Variants in SSBP3 observed in about 807,000 individuals in gnomAD.
SSBP3 encodes single-stranded DNA-binding protein 3.
Under a neutral mutation model 69.6 loss-of-function variants are expected in SSBP3, and 5 were observed. The observed-to-expected ratio is 0.07, with a 90% CI of 0.04 to 0.15. SSBP3 has a LOEUF of 0.15. Ranked by LOEUF, SSBP3 falls within the 10% of genes least tolerant of loss-of-function variation. The pLI is 1.00. For synonymous variants in SSBP3, 196 were observed against 193.4 expected, an observed-to-expected ratio of 1.01 and a Z score of -0.11; for missense variants, 312 against 534.0, an observed-to-expected ratio of 0.58 and a Z score of 4.10.
At chr1:54,373,800 C>A (rs1647174416) in intron 4 of SSBP3, among the ~76,000 whole-genome samples, 1 of 149,006 alleles carries the variant, frequency 6.7e-6, no homozygotes, top group African/African-American at 2.4e-5. Context: ...GAATGCCTCT[C>A]GGCACACCAG....
chr1:54,336,359 C>T (rs918017397), intron 4 of SSBP3, among the ~76,000 whole-genome samples: 1 of 152,120 alleles, frequency 6.6e-6, no homozygotes, highest in South Asian at 2.1e-4. Context: ...CCCCAGCCCC[C>T]GACTGCCTCT....
At chr1:54,367,875 T>C (rs1647054092) in intron 4 of SSBP3, among the ~76,000 whole-genome samples, 1 of 152,220 alleles carries the variant, frequency 6.6e-6, no homozygotes, top group Non-Finnish European at 1.5e-5. Context: ...CACATTACTA[T>C]TTACATTATG....
At chr1:54,298,930 AAC>A (rs10525954) in intron 4 of SSBP3, among the ~76,000 whole-genome samples, 162 of 137,206 alleles carry the variant, frequency 1.2e-3, no homozygotes, top group South Asian at 2.0e-3. Flanking sequence ...ACAAAAACAA[AAC>A]ACACACACAC....
chr1:54,290,064 G>A (rs1645576464), intron 4 of SSBP3, among the ~76,000 whole-genome samples: 1 of 152,206 alleles, frequency 6.6e-6, no homozygotes, highest in Non-Finnish European at 1.5e-5. Flanking sequence ...GAAATGGGCA[G>A]AACCAGAAGT....
At chr1:54,355,654 C>T (rs7552243) in intron 4 of SSBP3, among the ~76,000 whole-genome samples, 18,403 of 152,172 alleles carry the variant, frequency 0.12, 1,150 homozygotes, top group East Asian at 0.15. Flanking sequence ...CCAGCCTCTC[C>T]CCCAAATTCA....
intron 7 of SSBP3, 28 bp from the exon 8 acceptor site, chr1:54,251,888 G>A: frequency 6.2e-7 from 1 of 1,604,728 alleles, no homozygotes; most frequent in East Asian, 2.2e-5. Context: ...CACAAGCTGA[G>A]GAGCTGCTCC....
chr1:54,350,515 AAGAG>A (rs1646764974), intron 4 of SSBP3, among the ~76,000 whole-genome samples: 1 of 152,248 alleles, frequency 6.6e-6, no homozygotes, highest in African/African-American at 2.4e-5. Context: ...GGCCACAGCC[AAGAG>A]AGATTTATAC....
intron 14 of SSBP3, chr1:54,236,546 G>GTTGGC (rs1285451649): frequency 6.6e-6 from 1 of 152,164 alleles, no homozygotes; most frequent in African/African-American, 2.4e-5. Flanking sequence ...AAGTGCTCGG[G>GTTGGC]TTACAGGCGT....
chr1:54,255,031 C>T (rs1231382100), intron 7 of SSBP3, among the ~76,000 whole-genome samples: 1 of 151,868 alleles, frequency 6.6e-6, no homozygotes, highest in African/African-American at 2.4e-5. Flanking sequence ...CAGGGTTTCA[C>T]CATGTTGGCC....
intron 4 of SSBP3, among the ~76,000 whole-genome samples, chr1:54,299,521 A>G (rs185114988): frequency 3.8e-4 from 57 of 149,552 alleles, no homozygotes; most frequent in Non-Finnish European, 7.1e-4. Flanking sequence ...TTTTTAATGC[A>G]TTACACACAT....
chr1:54,261,378 C>T (rs2100767326), intron 5 of SSBP3, among the ~76,000 whole-genome samples: 1 of 152,344 alleles, frequency 6.6e-6, no homozygotes, highest in Admixed American at 6.5e-5. Context: ...GGACTTTGTG[C>T]TCTTTTGGAT....
intron 4 of SSBP3, among the ~76,000 whole-genome samples, chr1:54,317,354 C>T (rs1176397376): frequency 6.6e-6 from 1 of 152,046 alleles, no homozygotes; most frequent in Non-Finnish European, 1.5e-5. Flanking sequence ...CTGGGCAACA[C>T]AGTGAAAACT....
intron 9 of SSBP3, among the ~76,000 whole-genome samples, chr1:54,245,017 G>A (rs1644708625): frequency 1.3e-5 from 2 of 152,168 alleles, no homozygotes; most frequent in Non-Finnish European, 2.9e-5. Context: ...TGCACCCAGT[G>A]GCACAGACTG....
chr1:54,322,749 A>G (rs1557530612), intron 4 of SSBP3, among the ~76,000 whole-genome samples: 1 of 151,994 alleles, frequency 6.6e-6, no homozygotes, highest in Non-Finnish European at 1.5e-5. Context: ...ACCTCAACCA[A>G]CCAACCTAGG....
intron 4 of SSBP3, among the ~76,000 whole-genome samples, chr1:54,379,300 T>A (rs1456609986): frequency 6.6e-6 from 1 of 152,218 alleles, no homozygotes; most frequent in Non-Finnish European, 1.5e-5. Context: ...TGTGGCCTTT[T>A]TCTGTTTTCT....
chr1:54,404,157 T>C (rs1473177065), intron 3 of SSBP3, among the ~76,000 whole-genome samples: 1 of 152,074 alleles, frequency 6.6e-6, no homozygotes, highest in African/African-American at 2.4e-5. Context: ...CTCTTAAGGT[T>C]GTGAGCTCCC....
At chr1:54,248,551 C>T (rs941339443) in intron 9 of SSBP3, among the ~76,000 whole-genome samples, 21 of 152,156 alleles carry the variant, frequency 1.4e-4, no homozygotes, top group African/African-American at 5.1e-4. Context: ...GCATCATCCT[C>T]AGGGGAGAGA....
At chr1:54,289,173 C>T (rs1456444313) in intron 4 of SSBP3, among the ~76,000 whole-genome samples, 4 of 152,092 alleles carry the variant, frequency 2.6e-5, no homozygotes, top group Non-Finnish European at 5.9e-5. Context: ...AATCCATTCC[C>T]GTGTTTGAGA....
Position 54,258,930 on chromosome 1 carries a change from T to C in SSBP3, c.367-781A>G, listed in dbSNP as rs941861302. Among the ~76,000 whole-genome samples, 3 of 152,188 alleles carry C rather than the reference T, an allele frequency of 2.0e-5. No individual in the cohort carries two copies. The highest frequency in any genetic ancestry group is 4.8e-5 in the African/African-American group (2 of 41,450). On this transcript the variant is annotated intron_variant, in intron 5 of 17. Coordinates refer to ENST00000610401, the Ensembl canonical transcript of SSBP3. This position sits in a 1 kb window ranked among gnomAD's most constrained non-coding sequence, Gnocchi z 4.5. Reference sequence around the variant, plus strand: ...CTCGAGGGATGAAGGAACTTGGCCATGGCCATAAAACTGGTCAGTGGCAGA... The same window carrying C: ...CTCGAGGGATGAAGGAACTTGGCCACGGCCATAAAACTGGTCAGTGGCAGA...
Sources: gnomAD v4.1 joint callset for allele counts (sites outside exome capture counted in the v4.1 genomes callset) on GRCh38, gnomAD v4.1.1 for gene constraint, Gnocchi (gnomAD v3.1) non-coding constraint, MANE v1.5 for transcripts, NCBI Gene and HGNC (gene_info 2026-07-23, HGNC 2026-07-21) for gene names.